WDR7: variants seen among roughly 807,000 people sequenced by gnomAD.
WDR7 encodes WD repeat-containing protein 7.
In WDR7, 46 loss-of-function variants were observed where a neutral mutation model predicts 169.4. The observed-to-expected ratio is 0.27, with a 90% CI of 0.21 to 0.35. The LOEUF (loss-of-function observed/expected upper bound fraction) is 0.35, where lower values mean the gene tolerates loss of function less well. Among genes scored for constraint, WDR7 ranks in the 10% least tolerant of loss-of-function variants. The pLI is 1.00. For synonymous variants in WDR7, 612 were observed against 666.8 expected, an observed-to-expected ratio of 0.92 and a Z score of 1.27; for missense variants, 1,534 against 1,859.3, an observed-to-expected ratio of 0.83 and a Z score of 3.22.
chr18:56,731,653 T>C (rs2026590671), intron 14 of WDR7, 56 bp downstream of exon 14: 1 of 1,420,326 alleles, frequency 7.0e-7, no homozygotes. Context: ...CTTCATTTAG[T>C]AACATGGCTT....
intron 20 of WDR7, among the ~76,000 whole-genome samples, chr18:56,823,760 C>T (rs17062341): frequency 0.012 from 1,860 of 152,270 alleles, 34 homozygotes; most frequent in African/African-American, 0.04. Flanking sequence ...TGTCCACATA[C>T]GGTTGGTGTA....
chr18:56,898,115 A>AT (rs1423815748), intron 21 of WDR7, among the ~76,000 whole-genome samples: 3 of 152,046 alleles, frequency 2.0e-5, no homozygotes, highest in African/African-American at 7.2e-5. Context: ...CTTAAAAAGG[A>AT]TAGGGGCACG....
intron 17 of WDR7, 91 bp from the exon 18 acceptor site, chr18:56,779,340 T>C: frequency 1.1e-6 from 1 of 918,330 alleles, no homozygotes; most frequent in Non-Finnish European, 1.6e-6. Context: ...GATCTGCCTT[T>C]TTTTGTTTTT....
In WDR7 at chr18:56,660,717, G is replaced by A. The variant is rs145091656; in HGVS notation, c.-20+9141G>A. Among the ~76,000 whole-genome samples the A allele has an allele frequency of 1.1e-3, 168 of 150,448 alleles. 1 individual carries two copies. Among genetic ancestry groups the A allele is most frequent in the African/African-American group, 3.9e-3 (162 of 41,142 alleles). ...GAGACTAAAGCTAGAGAAGAAGAAG[G>A]AAAGTCAGGAAAAAGTGAAGACTTT... On this transcript the variant is annotated intron_variant, in intron 1 of 27. Transcript: ENST00000254442.
chr18:56,933,014 C>G (rs1298079291), intron 22 of WDR7, among the ~76,000 whole-genome samples: 1 of 152,104 alleles, frequency 6.6e-6, no homozygotes, highest in Admixed American at 6.6e-5. Context: ...TTGCTATGAT[C>G]CTGCTTATGT....
chr18:57,016,907 A>G (rs753019190), intron 26 of WDR7, among the ~76,000 whole-genome samples: 1 of 152,164 alleles, frequency 6.6e-6, no homozygotes, highest in Non-Finnish European at 1.5e-5. Context: ...CAAGACAGCA[A>G]TTTCTTTGAC....
intron 20 of WDR7, among the ~76,000 whole-genome samples, chr18:56,863,624 A>C (rs2045839870): frequency 6.6e-6 from 1 of 151,576 alleles, no homozygotes; most frequent in South Asian, 2.1e-4. Context: ...AAAGTACAAA[A>C]TTTTGAGATT....
chr18:56,912,328 C>G (rs146822917), intron 21 of WDR7, among the ~76,000 whole-genome samples: 312 of 152,270 alleles, frequency 2.0e-3, no homozygotes, highest in African/African-American at 7.1e-3. Flanking sequence ...TCCATTTCAT[C>G]CACCATTCTC....
intron 21 of WDR7, among the ~76,000 whole-genome samples, chr18:56,916,568 C>T (rs2028113): frequency 0.81 from 122,897 of 151,590 alleles, 50,288 homozygotes; most frequent in East Asian, 0.98. Flanking sequence ...CTGGGAACGA[C>T]GTCACTAGTT....
At chr18:56,918,013 G>A (rs1028256924) in intron 21 of WDR7, among the ~76,000 whole-genome samples, 3 of 152,076 alleles carry the variant, frequency 2.0e-5, no homozygotes, top group African/African-American at 7.2e-5. Flanking sequence ...ATCCAATGCT[G>A]GATTTTAAGT....
intron 20 of WDR7, among the ~76,000 whole-genome samples, chr18:56,868,801 TC>T (rs2045915008): frequency 6.6e-6 from 1 of 152,178 alleles, no homozygotes; most frequent in African/African-American, 2.4e-5. Flanking sequence ...GCCATGTGTA[TC>T]AGATTCACCT....
At position 56,962,477 on chromosome 18, in the gene WDR7, G is replaced by C; in HGVS notation, c.4112G>C (p.Gly1371Ala). ...GAGCGGAATCACAGAATAGCAGTTG[G>C]AGCTCGCCATGGTTCAGTGGCCCTG... ...YYERNHRIAV[G>A]ARHGSVALYD... Residue 1371 changes from glycine to alanine, a missense_variant, in exon 26 of 28, where the codon GGA becomes GCA. Physicochemically the swap from Gly to Ala is moderately conservative, Grantham distance 60. Transcript: ENST00000254442. The C allele has an allele frequency of 2.5e-6, 4 of 1,613,030 alleles. No individual in the cohort carries two copies. Among genetic ancestry groups the C allele is most frequent in the Non-Finnish European group, 3.4e-6 (4 of 1,179,322 alleles).
intron 1 of WDR7, among the ~76,000 whole-genome samples, chr18:56,666,886 C>G (rs370737554): frequency 1.3e-4 from 14 of 106,108 alleles, no homozygotes; most frequent in South Asian, 9.0e-4. Flanking sequence ...GATTGGGAAA[C>G]CAGGCTATTT....
At chr18:56,862,560 G>T (rs964031065) in intron 20 of WDR7, among the ~76,000 whole-genome samples, 4 of 151,418 alleles carry the variant, frequency 2.6e-5, no homozygotes, top group African/African-American at 7.3e-5. Context: ...CAGTATAGTT[G>T]TTTTAGTTTT....
intron 13 of WDR7, chr18:56,721,626 GCTT>G (rs1173035841): frequency 1.4e-4 from 21 of 152,338 alleles, no homozygotes; most frequent in African/African-American, 4.3e-4. Context: ...CTGTTGATGT[GCTT>G]CTGGGATCAA....
chr18:56,736,879 G>A (rs776477043), intron 14 of WDR7, among the ~76,000 whole-genome samples: 8 of 152,126 alleles, frequency 5.3e-5, no homozygotes, highest in Non-Finnish European at 1.0e-4. Flanking sequence ...TTATGTTGGT[G>A]GGAGGATAAC....
At chr18:56,756,086 G>A (rs1482395300) in intron 14 of WDR7, among the ~76,000 whole-genome samples, 1 of 152,172 alleles carries the variant, frequency 6.6e-6, no homozygotes, top group Non-Finnish European at 1.5e-5. Flanking sequence ...AAGGATCTAA[G>A]TAGACTGTAA....
chr18:56,937,251 G>A (rs1425418968), intron 23 of WDR7, among the ~76,000 whole-genome samples: 3 of 152,132 alleles, frequency 2.0e-5, no homozygotes, highest in Non-Finnish European at 2.9e-5. Flanking sequence ...TTTCAGCCTG[G>A]TACTGTGGCA....
At chr18:56,911,736 C>G (rs908398904) in intron 21 of WDR7, among the ~76,000 whole-genome samples, 2 of 152,140 alleles carry the variant, frequency 1.3e-5, no homozygotes, top group Non-Finnish European at 2.9e-5. Flanking sequence ...ACTGGACTAC[C>G]TATAAGATCA....
Sources: gnomAD v4.1 joint callset for allele counts (sites outside exome capture counted in the v4.1 genomes callset) on GRCh38, gnomAD v4.1.1 for gene constraint, MANE v1.5 for transcripts, NCBI Gene and HGNC (gene_info 2026-07-23, HGNC 2026-07-21) for gene names.